Variants in BMPR1B observed in about 807,000 individuals in gnomAD.
The protein encoded by BMPR1B is bone morphogenetic protein receptor type-1B.
BMPR1B carries 12 observed loss-of-function variants against 59.1 expected under a neutral mutation model. That is an observed-to-expected ratio of 0.20 (90% CI 0.13 to 0.33). The LOEUF is 0.33. BMPR1B is among the 10% of genes least tolerant of loss of function. BMPR1B has a pLI of 1.00. For missense variants in BMPR1B, 550 were observed against 610.9 expected (o/e 0.90, Z 1.05); for synonymous variants, 237 against 207.3 (o/e 1.14, Z -1.23).
chr4:94,845,069 A>G (rs75885830), intron 1 of BMPR1B, among the ~76,000 whole-genome samples: 1 of 142,060 alleles, frequency 7.0e-6, no homozygotes, highest in Non-Finnish European at 1.5e-5. Context: ...GGAGCAAAAT[A>G]GAGTATCAAC....
intron 3 of BMPR1B, among the ~76,000 whole-genome samples, chr4:95,021,885 A>T (rs1186122154): frequency 6.6e-6 from 1 of 152,220 alleles, no homozygotes; most frequent in Non-Finnish European, 1.5e-5. Context: ...CGTTCTATCT[A>T]AAGAGCTTAG....
intron 2 of BMPR1B, among the ~76,000 whole-genome samples, chr4:94,932,605 A>C (rs1729133599): frequency 6.6e-6 from 1 of 152,156 alleles, no homozygotes; most frequent in African/African-American, 2.4e-5. Context: ...GTTTGTCATA[A>C]ATAAATGAGT....
At chr4:94,908,061 TAAAAAAAA>T (rs571793477) in intron 2 of BMPR1B, among the ~76,000 whole-genome samples, 37 of 46,254 alleles carry the variant, frequency 8.0e-4, no homozygotes, top group South Asian at 1.9e-3. Context: ...ACCCTGTCTT[TAAAAAAAA>T]AAAAAAAAAA....
intron 3 of BMPR1B, among the ~76,000 whole-genome samples, chr4:95,048,205 C>T (rs1726183103): frequency 6.6e-6 from 1 of 152,010 alleles, no homozygotes; most frequent in South Asian, 2.1e-4. Context: ...CTGATGTGTA[C>T]CTCAGTTGAT....
At chr4:94,922,340 T>TGA (rs1163099638) in intron 2 of BMPR1B, among the ~76,000 whole-genome samples, 2 of 151,754 alleles carry the variant, frequency 1.3e-5, no homozygotes, top group African/African-American at 2.4e-5. Context: ...CGTGTGTGTA[T>TGA]GAGAGAGAGA....
intron 3 of BMPR1B, among the ~76,000 whole-genome samples, chr4:95,007,049 A>G (rs1031204631): frequency 2.6e-5 from 4 of 152,174 alleles, no homozygotes; most frequent in African/African-American, 9.6e-5. Context: ...ACGAACATTA[A>G]TACATTAATT....
chr4:94,771,528 G>A (rs930772651), intron 1 of BMPR1B, among the ~76,000 whole-genome samples: 2 of 152,274 alleles, frequency 1.3e-5, no homozygotes, highest in South Asian at 4.1e-4. Context: ...AAGAGCCTTC[G>A]AGATAAAGAC....
intron 1 of BMPR1B, among the ~76,000 whole-genome samples, chr4:94,797,011 C>G (rs1478460283): frequency 6.6e-6 from 1 of 152,132 alleles, no homozygotes; most frequent in Admixed American, 6.6e-5. Context: ...CTGATAAAGA[C>G]ATACATAAGA....
intron 2 of BMPR1B, among the ~76,000 whole-genome samples, chr4:94,948,863 G>A (rs1729819127): frequency 6.6e-6 from 1 of 152,184 alleles, no homozygotes; most frequent in Non-Finnish European, 1.5e-5. Context: ...GAGAGGTTGT[G>A]AGGCATACCT....
At chr4:95,098,536 G>A (rs371223998) in intron 3 of BMPR1B, among the ~76,000 whole-genome samples, 3 of 150,836 alleles carry the variant, frequency 2.0e-5, no homozygotes, top group South Asian at 4.2e-4. Flanking sequence ...TTTTTTTTGT[G>A]GCTTTTATTT....
At chr4:94,981,201 T>G (rs1475104464) in intron 2 of BMPR1B, among the ~76,000 whole-genome samples, 1 of 59,446 alleles carries the variant, frequency 1.7e-5, no homozygotes, top group Non-Finnish European at 3.2e-5. Context: ...TTTCATAAAT[T>G]TATCCTTTCT....
chr4:95,147,473 A>G (rs3775042), intron 10 of BMPR1B, among the ~76,000 whole-genome samples: 66,430 of 151,908 alleles, frequency 0.44, 16,945 homozygotes, highest in Admixed American at 0.58. Flanking sequence ...TGACAGCAGG[A>G]TAAGTGTGAT....
intron 3 of BMPR1B, among the ~76,000 whole-genome samples, chr4:95,038,873 A>G (rs1341572562): frequency 6.6e-6 from 1 of 152,182 alleles, no homozygotes; most frequent in East Asian, 1.9e-4. Context: ...TGGATCTTAA[A>G]TCATCTGGCT....
intron 2 of BMPR1B, among the ~76,000 whole-genome samples, chr4:94,908,904 G>T (rs1038758560): frequency 6.6e-6 from 1 of 151,954 alleles, no homozygotes; most frequent in Admixed American, 6.6e-5. Flanking sequence ...CTACAAACTT[G>T]GTGTCTTAAA....
chr4:94,951,996 G>T (rs1729958781), intron 2 of BMPR1B, among the ~76,000 whole-genome samples: 1 of 152,110 alleles, frequency 6.6e-6, no homozygotes, highest in Admixed American at 6.6e-5. Flanking sequence ...GAGGGTGTGT[G>T]TGTCTAGGAA....
chr4:94,882,274 C>T (rs557613708), intron 2 of BMPR1B, among the ~76,000 whole-genome samples: 1 of 152,110 alleles, frequency 6.6e-6, no homozygotes, highest in Admixed American at 6.5e-5. Context: ...TGTGTTTTTT[C>T]TCTTCTAGGA....
At chr4:94,799,141 A>G (rs987295289) in intron 1 of BMPR1B, among the ~76,000 whole-genome samples, 24 of 148,386 alleles carry the variant, frequency 1.6e-4, no homozygotes, top group African/African-American at 5.7e-4. Context: ...TAATTTTTCA[A>G]TGCAGCCTCC....
rs560920908 is a variant in BMPR1B at position 95,147,152 on chromosome 4, G to A, written c.1077-1596G>A. On this transcript the variant is annotated intron_variant, in intron 10 of 12. Transcript: ENST00000515059. Reference sequence around the variant, plus strand: ...GTTATTATTGCACCTAGAAAACCACGAGGGGCCTAATGAGTACACTGATGA... The same window carrying A: ...GTTATTATTGCACCTAGAAAACCACAAGGGGCCTAATGAGTACACTGATGA... Among the ~76,000 whole-genome samples the A allele has an allele frequency of 3.3e-5, 5 of 151,984 alleles. No individual in the cohort carries two copies. The South Asian group carries it at 8.3e-4, about 25-fold the overall frequency.
At chr4:94,865,240 C>T (rs1015160579) in intron 1 of BMPR1B, among the ~76,000 whole-genome samples, 5 of 152,068 alleles carry the variant, frequency 3.3e-5, no homozygotes, top group Admixed American at 6.6e-5. Context: ...AACTGCCAAC[C>T]TTGCGGTCTG....
Sources: allele counts gnomAD v4.1 joint callset (sites outside exome capture counted in the v4.1 genomes callset), GRCh38; gene constraint gnomAD v4.1.1; transcripts MANE v1.5; gene names NCBI Gene and HGNC (gene_info 2026-07-23, HGNC 2026-07-21).